ROBO2: variants seen among roughly 807,000 people sequenced by gnomAD.
ROBO2 encodes roundabout homolog 2.
ROBO2 carries 53 observed loss-of-function variants against 160.8 expected under a neutral mutation model. The ratio of observed to expected loss-of-function variants is 0.33; its 90% CI spans 0.26 to 0.41. The LOEUF is 0.41. Ranked by LOEUF, ROBO2 falls within the 10% of genes least tolerant of loss-of-function variation. ROBO2 has a pLI of 1.00. For missense variants in ROBO2, 1,577 were observed against 1,722.4 expected (o/e 0.92, Z 1.49); for synonymous variants, 664 against 611.7 (o/e 1.09, Z -1.26).
chr3:76,882,780 G>T (rs1375424686), intron 2 of ROBO2, among the ~76,000 whole-genome samples: 1 of 151,884 alleles, frequency 6.6e-6, no homozygotes, highest in Non-Finnish European at 1.5e-5. Context: ...ATTTATTCTT[G>T]TACGTTTGTA....
intron 2 of ROBO2, among the ~76,000 whole-genome samples, chr3:76,279,363 A>T (rs141145366): frequency 0.087 from 13,253 of 151,794 alleles, 1,063 homozygotes; most frequent in African/African-American, 0.2. Context: ...TGAAAATATA[A>T]CTCCAAGTGA....
intron 2 of ROBO2, among the ~76,000 whole-genome samples, chr3:76,732,631 CACTT>C (rs1199560132): frequency 6.6e-6 from 1 of 151,976 alleles, no homozygotes; most frequent in East Asian, 1.9e-4. Context: ...TACACAAAGG[CACTT>C]ACTCTTTGAT....
At chr3:76,029,778 GGGTT>G (rs1307982109) in intron 2 of ROBO2, among the ~76,000 whole-genome samples, 1 of 152,132 alleles carries the variant, frequency 6.6e-6, no homozygotes, top group Non-Finnish European at 1.5e-5. Flanking sequence ...ATGGACACTT[GGGTT>G]GGTTCCAAGT....
chr3:77,439,260 G>A lies in ROBO2; in HGVS notation c.389-38154G>A, dbSNP rs557412457. 3.9e-5 allele frequency among the ~76,000 whole-genome samples: 6 copies of A among 152,038 alleles called. No homozygotes were observed. The South Asian group carries it at 1.0e-3, about 26-fold the overall frequency. On this transcript the variant is annotated intron_variant, in intron 2 of 25. Coordinates refer to ENST00000461745, the Ensembl canonical transcript of ROBO2. ...AAGAAGCAATTAGTATCTTAATACA[G>A]AACCTGGACTAATCACTTCATTGAA... is the stretch of plus-strand genomic sequence containing the variant.
chr3:76,509,103 T>C (rs1466316428), intron 2 of ROBO2, among the ~76,000 whole-genome samples: 1 of 152,220 alleles, frequency 6.6e-6, no homozygotes, highest in East Asian at 1.9e-4. Flanking sequence ...CTAATAAGAT[T>C]ACTATCAGGA....
intron 2 of ROBO2, among the ~76,000 whole-genome samples, chr3:77,240,544 C>G (rs116912817): frequency 1.3e-5 from 2 of 152,122 alleles, no homozygotes; most frequent in African/African-American, 4.8e-5. Context: ...ACTGCAGCAG[C>G]GGGCTGAAGG....
chr3:77,357,379 C>G (rs983025851), intron 2 of ROBO2, among the ~76,000 whole-genome samples: 1 of 152,064 alleles, frequency 6.6e-6, no homozygotes, highest in Non-Finnish European at 1.5e-5. Flanking sequence ...TTCCCTCTCT[C>G]CCTCTGTCCT....
At chr3:77,616,713 A>G (rs1351440407) in intron 21 of ROBO2, among the ~76,000 whole-genome samples, 1 of 152,152 alleles carries the variant, frequency 6.6e-6, no homozygotes, top group East Asian at 1.9e-4. Flanking sequence ...GACTACAGAG[A>G]ATTGAAATAA....
intron 2 of ROBO2, among the ~76,000 whole-genome samples, chr3:76,476,239 T>C (rs1029880679): frequency 5.9e-5 from 9 of 152,328 alleles, no homozygotes; most frequent in African/African-American, 1.9e-4. Context: ...TAACAGCTAT[T>C]CCTCAATGTT....
chr3:77,285,646 A>G (rs1209638935), intron 2 of ROBO2, among the ~76,000 whole-genome samples: 1 of 152,122 alleles, frequency 6.6e-6, no homozygotes, highest in Non-Finnish European at 1.5e-5. Context: ...CCTTAATGAG[A>G]CTCATAGATC....
At chr3:76,953,677 A>G (rs1157800050) in intron 2 of ROBO2, among the ~76,000 whole-genome samples, 1 of 152,190 alleles carries the variant, frequency 6.6e-6, no homozygotes, top group East Asian at 1.9e-4. Context: ...TACAGGATAT[A>G]CCAAGCATCA....
At chr3:76,491,230 T>C (rs996062446) in intron 2 of ROBO2, among the ~76,000 whole-genome samples, 9 of 152,238 alleles carry the variant, frequency 5.9e-5, no homozygotes, top group South Asian at 2.1e-4. Context: ...ATTGCAGGCA[T>C]GAGCCAGGGC....
At chr3:76,941,793 G>A (rs898814032) in intron 2 of ROBO2, among the ~76,000 whole-genome samples, 1 of 152,180 alleles carries the variant, frequency 6.6e-6, no homozygotes, top group Non-Finnish European at 1.5e-5. Context: ...GATCACTGCT[G>A]TGGTTACCGG....
chr3:77,250,733 T>C (rs2090248303), intron 2 of ROBO2, among the ~76,000 whole-genome samples: 2 of 152,242 alleles, frequency 1.3e-5, no homozygotes, highest in Admixed American at 1.3e-4. Flanking sequence ...TGCTGCAGCA[T>C]TCCCTGGCAA....
intron 2 of ROBO2, among the ~76,000 whole-genome samples, chr3:76,629,589 C>T (rs980201876): frequency 1.3e-5 from 2 of 152,102 alleles, no homozygotes; most frequent in South Asian, 2.1e-4. Context: ...GCAGTTGATT[C>T]GATGATGCCC....
intron 1 of ROBO2, among the ~76,000 whole-genome samples, chr3:75,923,147 T>C (rs1947140378): frequency 6.6e-6 from 1 of 152,260 alleles, no homozygotes; most frequent in Admixed American, 6.5e-5. Flanking sequence ...AGGTTTTTTT[T>C]TAAAACATAC....
At chr3:76,626,682 A>G (rs912164041) in intron 2 of ROBO2, among the ~76,000 whole-genome samples, 9 of 152,060 alleles carry the variant, frequency 5.9e-5, no homozygotes. Flanking sequence ...ATTGTCATTT[A>G]GAATCTTTTA....
At chr3:76,813,740 T>A (rs889272711) in intron 2 of ROBO2, among the ~76,000 whole-genome samples, 17 of 152,118 alleles carry the variant, frequency 1.1e-4, no homozygotes, top group African/African-American at 3.9e-4. Flanking sequence ...CATATGCATT[T>A]TTTTCAGTCT....
chr3:76,289,303 C>T (rs964971041), intron 2 of ROBO2, among the ~76,000 whole-genome samples: 8 of 152,208 alleles, frequency 5.3e-5, no homozygotes, highest in East Asian at 1.9e-4. Context: ...TCCTTTGAGA[C>T]GTGTCTGTTT....
Sources: allele counts gnomAD v4.1 joint callset (sites outside exome capture counted in the v4.1 genomes callset), GRCh38; gene constraint gnomAD v4.1.1; transcripts MANE v1.5; gene names NCBI Gene and HGNC (gene_info 2026-07-23, HGNC 2026-07-21).